The following TCF7L2 variants were observed in gnomAD, a reference collection of about 807,000 sequenced individuals.
TCF7L2 encodes the protein transcription factor 7-like 2.
A neutral mutation model predicts 77.9 loss-of-function variants in TCF7L2; 23 were observed. That is an observed-to-expected ratio of 0.30 (90% CI 0.21 to 0.42). TCF7L2 has a LOEUF of 0.42. Ranked by LOEUF, TCF7L2 falls within the 10% of genes least tolerant of loss-of-function variation. The probability of loss-of-function intolerance (pLI) is 1.00; values close to 1 mark genes in which losing one functional copy is unlikely to be tolerated. For missense variants in TCF7L2, 654 were observed against 793.1 expected, an observed-to-expected ratio of 0.82 and a Z score of 2.11; for synonymous variants, 413 against 340.2, an observed-to-expected ratio of 1.21 and a Z score of -2.36.
rs1424239016 is a variant in TCF7L2, at chr10:113,071,533, C to T, written c.552+31407C>T. ...TTCTCGTCTTTATTCTCACCCCGTC[C>T]CCCCGCCACCTCTCTCCCCAAGTTC... On this transcript the variant is annotated intron_variant, in intron 5 of 13. Coordinates refer to ENST00000627217, the MANE Select transcript of TCF7L2 (RefSeq NM_001146274.2). Among the ~76,000 whole-genome samples the T allele has an allele frequency of 2.0e-5, 3 of 152,236 alleles. No individual in the cohort carries two copies. In the South Asian group the frequency reaches 6.2e-4, roughly 32 times the overall value.
chr10:113,009,694 C>G (rs1315038175), intron 4 of TCF7L2, among the ~76,000 whole-genome samples: 3 of 152,086 alleles, frequency 2.0e-5, no homozygotes, highest in Non-Finnish European at 2.9e-5. Flanking sequence ...CTTTTTTGCC[C>G]GTACTTAAAG....
At chr10:113,145,968 C>T (rs2069311638) in intron 7 of TCF7L2, 43 bp from the exon 8 acceptor site, 3 of 1,205,606 alleles carry the variant, frequency 2.5e-6, no homozygotes, top group Admixed American at 1.9e-5. Flanking sequence ...TCCCCACCCC[C>T]ACCCTTGTTT....
chr10:113,025,621 T>C (rs2049014230), intron 4 of TCF7L2, among the ~76,000 whole-genome samples: 1 of 152,172 alleles, frequency 6.6e-6, no homozygotes, highest in South Asian at 2.1e-4. Flanking sequence ...ACTCAAGCAA[T>C]CTGCCCACCT....
At chr10:113,137,021 CTT>C (rs111976110) in intron 5 of TCF7L2, among the ~76,000 whole-genome samples, 2 of 144,840 alleles carry the variant, frequency 1.4e-5, no homozygotes, top group African/African-American at 2.5e-5. Flanking sequence ...CTCCACCTGC[CTT>C]TTTTTTTTTC....
At chr10:112,956,717 T>C (rs901137492) in intron 3 of TCF7L2, among the ~76,000 whole-genome samples, 3 of 152,142 alleles carry the variant, frequency 2.0e-5, no homozygotes, top group Non-Finnish European at 4.4e-5. Flanking sequence ...TGTGCCCCAG[T>C]CTTTTTGCTG....
chr10:113,012,452 G>T (rs1264789511), intron 4 of TCF7L2, among the ~76,000 whole-genome samples: 1 of 151,992 alleles, frequency 6.6e-6, no homozygotes, highest in Non-Finnish European at 1.5e-5. Flanking sequence ...GAGGACAGCA[G>T]TGTGCTGCTA....
Position 112,956,344 on chromosome 10 carries a change from C to CTT in TCF7L2, c.381+4759_381+4760dup, listed in dbSNP as rs10711698. The stretch of plus-strand genomic sequence containing the variant: ...AGATTTCAGGCAAGGAGTGATTTAC[C>CTT]TTTTTTTTTTTTTTTTTTTTTTTAA... On this transcript the variant is annotated intron_variant, in intron 3 of 13. Transcript: ENST00000627217. 4.3e-3 allele frequency among the ~76,000 whole-genome samples: 484 copies of CTT among 112,212 alleles called. 2 individuals carry two copies. The highest frequency in any genetic ancestry group is 0.013 in the East Asian group (48 of 3,728). 73.6% of individuals were successfully genotyped at this position (112,212 alleles called of 152,430 possible).
chr10:113,097,817 T>TGAGGCAGGCGGATCGCCTGAGGTCAG (rs1320748467), intron 5 of TCF7L2, among the ~76,000 whole-genome samples: 3 of 149,264 alleles, frequency 2.0e-5, no homozygotes, highest in Non-Finnish European at 3.0e-5. Context: ...TTTGGGAGGC[T>TGAGGCAGGCGGATCGCCTGAGGTCAG]GAGGCAGGCG....
At chr10:113,137,353 C>T (rs530020956) in intron 5 of TCF7L2, among the ~76,000 whole-genome samples, 20 of 152,314 alleles carry the variant, frequency 1.3e-4, no homozygotes, top group Admixed American at 8.5e-4. Context: ...TTGTATTGCA[C>T]GTTTAGCTTG....
At chr10:112,964,760 A>ATGGTGGTGGTGGTGG (rs1386228076) in intron 4 of TCF7L2, 136 bp downstream of exon 4, 1 of 406,768 alleles carries the variant, frequency 2.5e-6, no homozygotes, top group African/African-American at 4.0e-5. Flanking sequence ...GGTGGTGGTG[A>ATGGTGGTGGTGGTGG]TGGTGGTGGT....
intron 5 of TCF7L2, among the ~76,000 whole-genome samples, chr10:113,051,401 T>C (rs1348648458): frequency 6.6e-6 from 1 of 152,244 alleles, no homozygotes; most frequent in East Asian, 1.9e-4. Context: ...GAGATAGTCT[T>C]CTGTCCCTTA....
intron 5 of TCF7L2, among the ~76,000 whole-genome samples, chr10:113,074,682 C>T (rs1337205276): frequency 1.3e-5 from 2 of 152,156 alleles, no homozygotes; most frequent in African/African-American, 4.8e-5. Flanking sequence ...AATGTTGCTA[C>T]TGACTACTAC....
intron 8 of TCF7L2, among the ~76,000 whole-genome samples, chr10:113,146,750 CT>C (rs2069510000): frequency 6.6e-6 from 1 of 151,242 alleles, no homozygotes; most frequent in African/African-American, 2.4e-5. Flanking sequence ...ATGTTATGTT[CT>C]TTTTTGTGCT....
intron 4 of TCF7L2, among the ~76,000 whole-genome samples, 188 bp downstream of exon 4, chr10:112,964,812 T>TGGTGGTGGTGATGGTGGTGGTGGTGGGGG (rs1564719427): frequency 2.6e-5 from 1 of 38,282 alleles, no homozygotes; most frequent in African/African-American, 9.9e-5. Context: ...GTGGTGGTGG[T>TGGTGGTGGTGATGGTGGTGGTGGTGGGGG]GGGGGGGGGT....
chr10:112,990,089 A>G (rs932811259), intron 4 of TCF7L2, among the ~76,000 whole-genome samples: 4 of 152,054 alleles, frequency 2.6e-5, no homozygotes, highest in African/African-American at 9.7e-5. Context: ...CATTACTGTT[A>G]ATAATATAAA....
At chr10:113,032,987 A>C (rs1047679486) in intron 4 of TCF7L2, among the ~76,000 whole-genome samples, 1 of 152,152 alleles carries the variant, frequency 6.6e-6, no homozygotes, top group Non-Finnish European at 1.5e-5. Flanking sequence ...TAAATTGTTC[A>C]CACAGATGCC....
At chr10:112,979,947 T>TG (rs2040172374) in intron 4 of TCF7L2, among the ~76,000 whole-genome samples, 1 of 152,196 alleles carries the variant, frequency 6.6e-6, no homozygotes, top group Non-Finnish European at 1.5e-5. Context: ...ACCTGCCCAA[T>TG]GGGAGTCTTC....
At chr10:113,004,586 G>C (rs1306923873) in intron 4 of TCF7L2, among the ~76,000 whole-genome samples, 1 of 152,160 alleles carries the variant, frequency 6.6e-6, no homozygotes, top group Admixed American at 6.5e-5. Context: ...TCTTCTCCCA[G>C]TTGTGACTCA....
chr10:113,013,124 T>G (rs920129707), intron 4 of TCF7L2, among the ~76,000 whole-genome samples: 9 of 150,310 alleles, frequency 6.0e-5, no homozygotes, highest in East Asian at 5.8e-4. Context: ...GTTTTTTTTT[T>G]TTTTTTTTTT....
Sources: allele counts gnomAD v4.1 joint callset (sites outside exome capture counted in the v4.1 genomes callset), GRCh38; gene constraint gnomAD v4.1.1; transcripts MANE v1.5; gene names NCBI Gene and HGNC (gene_info 2026-07-23, HGNC 2026-07-21).